The following PIBF1 variants were observed in gnomAD, a reference collection of about 807,000 sequenced individuals.
The protein encoded by PIBF1 is progesterone immunomodulatory binding factor 1, also known as progesterone-induced-blocking factor 1.
A neutral mutation model predicts 112.5 loss-of-function variants in PIBF1; 90 were observed. The observed-to-expected ratio is 0.80, with a 90% confidence interval of 0.67 to 0.95. PIBF1 has a LOEUF of 0.95. Among genes scored for constraint, PIBF1 ranks in the 40% least tolerant of loss-of-function variants. The probability of loss-of-function intolerance (pLI) is 0.00; values close to 1 mark genes in which losing one functional copy is unlikely to be tolerated. For missense variants in PIBF1, 915 were observed against 852.3 expected (o/e 1.07, Z -0.92); for synonymous variants, 301 against 288.6 (o/e 1.04, Z -0.44).
At chr13:72,817,816 AT>A (rs1431936252) in intron 5 of PIBF1, among the ~76,000 whole-genome samples, 1 of 152,158 alleles carries the variant, frequency 6.6e-6, no homozygotes, top group African/African-American at 2.4e-5. Context: ...CATGGGGTTT[AT>A]TTTGAGGGAA....
chr13:72,818,603 C>G (rs1321384927), intron 5 of PIBF1, among the ~76,000 whole-genome samples: 3 of 150,792 alleles, frequency 2.0e-5, no homozygotes, highest in African/African-American at 7.3e-5. Context: ...AATTTCCAAT[C>G]CATATAATTT....
chr13:72,997,719 G>T (rs990053950), intron 16 of PIBF1, among the ~76,000 whole-genome samples: 1 of 152,116 alleles, frequency 6.6e-6, no homozygotes, highest in African/African-American at 2.4e-5. Context: ...CATAACTTTC[G>T]TGTTTTGGCA....
chr13:72,976,676 TACACATGCAAAG>T, intron 16 of PIBF1, among the ~76,000 whole-genome samples: 1 of 152,180 alleles, frequency 6.6e-6, no homozygotes, highest in East Asian at 1.9e-4. Context: ...ACATCATATA[TACACATGCAAAG>T]GCCTCCGCAA....
chr13:72,958,244 G>T (rs1421967240), intron 14 of PIBF1, among the ~76,000 whole-genome samples: 1 of 135,696 alleles, frequency 7.4e-6, no homozygotes, highest in Non-Finnish European at 1.5e-5. Context: ...TTTTTAACAA[G>T]CTCTGCAGTG....
intron 14 of PIBF1, among the ~76,000 whole-genome samples, chr13:72,935,972 C>A (rs1232375842): frequency 6.6e-6 from 1 of 151,722 alleles, no homozygotes; most frequent in African/African-American, 2.4e-5. Context: ...TTTTTTCCCA[C>A]CCTGTGGCTT....
At chr13:72,973,930 T>G (rs2042960693) in intron 16 of PIBF1, 1 of 445,776 alleles carries the variant, frequency 2.2e-6, no homozygotes, top group African/African-American at 2.0e-5. Flanking sequence ...ATAATCTGTT[T>G]TATCTTATTC....
At chr13:72,816,381 G>A (rs774355596) in intron 5 of PIBF1, among the ~76,000 whole-genome samples, 14 of 152,234 alleles carry the variant, frequency 9.2e-5, no homozygotes, top group African/African-American at 2.6e-4. Flanking sequence ...AGTGGCTCAC[G>A]CCTGTAATCC....
At position 72,827,721 on chromosome 13, in the gene PIBF1, A is replaced by G. The variant is rs1185888227; in HGVS notation, c.916-12A>G. ...ATCACTGTGGATACTTTTTGTTTCT[A>G]CATGTATGTAGGTAGTCACCTTAGA... On this transcript the variant is annotated splice_polypyrimidine_tract_variant and intron_variant, in intron 7 of 17. Coordinates refer to ENST00000326291, the MANE Select transcript of PIBF1 (RefSeq NM_006346.4). 2.7e-6 allele frequency: 4 copies of G among 1,466,226 alleles called. No homozygotes were observed. Among genetic ancestry groups the G allele is most frequent in the African/African-American group, 2.8e-5 (2 of 70,368 alleles). The allele number at this position is 1,466,226 out of a possible 1,614,324, so 90.8% of individuals were successfully genotyped here. A position where few individuals can be genotyped will look rare whatever the true frequency, so the allele number is the denominator to read the frequency against.
chr13:72,914,634 A>C (rs1029165302), intron 12 of PIBF1, among the ~76,000 whole-genome samples: 1 of 152,164 alleles, frequency 6.6e-6, no homozygotes, highest in Non-Finnish European at 1.5e-5. Context: ...CCCAGGCTGG[A>C]GTGCAGTGGT....
intron 8 of PIBF1, among the ~76,000 whole-genome samples, chr13:72,829,124 T>G (rs1374256034): frequency 6.6e-6 from 1 of 152,194 alleles, no homozygotes; most frequent in African/African-American, 2.4e-5. Flanking sequence ...TTGATGGGGT[T>G]GTTTGGTTTT....
intron 13 of PIBF1, among the ~76,000 whole-genome samples, chr13:72,928,029 A>ATATATATACATATATACATATATATACG (rs2041580300): frequency 1.6e-4 from 2 of 12,872 alleles, no homozygotes; most frequent in East Asian, 2.9e-3. Flanking sequence ...ATATATACAT[A>ATATATATACATATATACATATATATACG]TATATATATA....
intron 5 of PIBF1, among the ~76,000 whole-genome samples, chr13:72,820,388 T>C (rs1302396834): frequency 6.6e-6 from 1 of 152,166 alleles, no homozygotes; most frequent in African/African-American, 2.4e-5. Flanking sequence ...CGAAATGATA[T>C]ATGTGATGAT....
intron 10 of PIBF1, among the ~76,000 whole-genome samples, chr13:72,868,196 G>T (rs1330909808): frequency 6.6e-6 from 1 of 152,032 alleles, no homozygotes; most frequent in African/African-American, 2.4e-5. Flanking sequence ...AGCTCCTCAG[G>T]AGGCTGAGGT....
chr13:72,920,090 T>C (rs904758472), intron 13 of PIBF1, among the ~76,000 whole-genome samples: 1 of 152,226 alleles, frequency 6.6e-6, no homozygotes, highest in Non-Finnish European at 1.5e-5. Flanking sequence ...ATTACTATTT[T>C]TTTAAGAATT....
intron 16 of PIBF1, among the ~76,000 whole-genome samples, chr13:72,986,843 A>G (rs1199973259): frequency 6.6e-6 from 1 of 151,930 alleles, no homozygotes; most frequent in African/African-American, 2.4e-5. Context: ...GGCGCCCGCC[A>G]CCGCGCCCGG....
chr13:72,867,981 A>G lies in PIBF1; in HGVS notation c.1322+13826A>G, dbSNP rs193170833. Among the ~76,000 whole-genome samples, 370 of 140,624 alleles carry G rather than the reference A, an allele frequency of 2.6e-3. 2 individuals are homozygous for G. The highest frequency in any genetic ancestry group is 9.7e-3 in the African/African-American group (357 of 36,882). The allele number at this position is 140,624 out of a possible 152,430, so 92.3% of individuals were successfully genotyped here. ...TCTAAAATTCTTTTTGTCTAAAATC[A>G]TGAAGATGGCAGATGCACAAAATAA... On this transcript the variant is annotated intron_variant, in intron 10 of 17. Coordinates refer to ENST00000326291, the MANE Select transcript of PIBF1 (RefSeq NM_006346.4).
In PIBF1 at chr13:72,968,452, C is replaced by T. The variant is rs916868169; in HGVS notation, c.1964+3048C>T. Among the ~76,000 whole-genome samples, 12 of 151,662 alleles carry T rather than the reference C, an allele frequency of 7.9e-5. No individual in the cohort carries two copies. In the East Asian group the frequency reaches 2.4e-3, roughly 30 times the overall value. On this transcript the variant is annotated intron_variant, in intron 15 of 17. Transcript: ENST00000326291. ...AGTAGCTGGGATAACAAGCACCCAC[C>T]ACCACAGCCGGCTAATTTTTGTGTT...
intron 17 of PIBF1, among the ~76,000 whole-genome samples, chr13:73,010,342 C>T (rs921402384): frequency 1.9e-4 from 29 of 150,744 alleles, no homozygotes; most frequent in African/African-American, 7.1e-4. Context: ...GTGGCTCACA[C>T]CTGTAATCCT....
At chr13:72,991,708 C>A (rs1452179109) in intron 16 of PIBF1, among the ~76,000 whole-genome samples, 2 of 151,538 alleles carry the variant, frequency 1.3e-5, no homozygotes, top group Non-Finnish European at 2.9e-5. Context: ...GGGCAACACA[C>A]CCCCATCTCA....
Sources: gnomAD v4.1 joint callset for allele counts (sites outside exome capture counted in the v4.1 genomes callset) on GRCh38, gnomAD v4.1.1 for gene constraint, MANE v1.5 for transcripts, NCBI Gene and HGNC (gene_info 2026-07-23, HGNC 2026-07-21) for gene names.